CDH12: variants seen among roughly 807,000 people sequenced by gnomAD.
CDH12 encodes the protein cadherin-12.
Under a neutral mutation model 74.1 loss-of-function variants are expected in CDH12, and 41 were observed. The ratio of observed to expected loss-of-function variants is 0.55; its 90% CI spans 0.43 to 0.72. The LOEUF (loss-of-function observed/expected upper bound fraction) is 0.72. Among genes scored for constraint, CDH12 ranks in the 30% least tolerant of loss-of-function variants. CDH12 has a pLI of 0.00. For missense variants in CDH12, 945 were observed against 977.2 expected, an observed-to-expected ratio of 0.97 and a Z score of 0.44; for synonymous variants, 399 against 355.0, an observed-to-expected ratio of 1.12 and a Z score of -1.39.
chr5:22,823,262 T>C lies in CDH12; in HGVS notation c.-523+29796A>G, dbSNP rs537037239. Among the ~76,000 whole-genome samples, 227 of 150,574 alleles carry C rather than the reference T, an allele frequency of 1.5e-3. 1 individual carries two copies. Among genetic ancestry groups the C allele is most frequent in the African/African-American group, 5.3e-3 (218 of 40,980 alleles). On this transcript the variant is annotated intron_variant, in intron 1 of 14. Transcript: ENST00000382254. The stretch of plus-strand genomic sequence containing the variant: ...GTGGGGGGAGGGGGGAGGGATAGCA[T>C]TAGGAGTTACACCTAATGCTAAATG...
chr5:22,019,727 T>A (rs896555404), intron 5 of CDH12, among the ~76,000 whole-genome samples: 6 of 152,206 alleles, frequency 3.9e-5, no homozygotes, highest in Non-Finnish European at 8.8e-5. Flanking sequence ...CCATGATAGT[T>A]CATTATGACA....
intron 6 of CDH12, among the ~76,000 whole-genome samples, chr5:21,901,221 T>C (rs1442226553): frequency 6.6e-6 from 1 of 152,138 alleles, no homozygotes; most frequent in Admixed American, 6.6e-5. Context: ...TAAAGTTCAA[T>C]ATTGAAAAAA....
intron 5 of CDH12, among the ~76,000 whole-genome samples, chr5:21,995,483 C>T (rs1404712688): frequency 2.0e-5 from 3 of 151,732 alleles, no homozygotes; most frequent in Admixed American, 6.6e-5. Context: ...TGCTCCATGC[C>T]AGTATTCTCC....
At chr5:22,751,830 C>T (rs1298623530) in intron 1 of CDH12, among the ~76,000 whole-genome samples, 2 of 152,110 alleles carry the variant, frequency 1.3e-5, no homozygotes, top group African/African-American at 4.8e-5. Flanking sequence ...ACATATTTAT[C>T]ATGTGTGAGA....
chr5:22,552,554 G>A (rs79418166), intron 1 of CDH12, among the ~76,000 whole-genome samples: 3,522 of 151,428 alleles, frequency 0.023, 159 homozygotes, highest in East Asian at 0.14. Flanking sequence ...TCAGCCTCCC[G>A]TATAGCTGGA....
intron 5 of CDH12, among the ~76,000 whole-genome samples, chr5:22,065,800 G>A (rs1363745017): frequency 1.3e-5 from 2 of 152,114 alleles, no homozygotes; most frequent in African/African-American, 4.8e-5. Context: ...TTGTTGTAGC[G>A]ATCAATGGCC....
intron 2 of CDH12, among the ~76,000 whole-genome samples, chr5:22,492,321 C>T (rs1418179848): frequency 6.6e-6 from 1 of 150,716 alleles, no homozygotes; most frequent in African/African-American, 2.4e-5. Flanking sequence ...AAATACCACA[C>T]TCCATGCCTA....
Position 21,833,156 on chromosome 5 carries a change from AATATATATTAT to A in CDH12, c.814+8994_814+9004del, listed in dbSNP as rs1251805380. On this transcript the variant is annotated intron_variant, in intron 8 of 14. Transcript: ENST00000382254. Reference sequence around the variant, plus strand: ...TATAAATATATATTATATAACATATAATATATATTATATTATAAATATATATTATATAACAT... The same window carrying A: ...TATAAATATATATTATATAACATATAATTATAAATATATATTATATAACAT... Among the ~76,000 whole-genome samples the A allele has an allele frequency of 3.2e-4, 18 of 56,578 alleles. 2 individuals are homozygous for A. The highest frequency in any genetic ancestry group is 4.5e-4 in the Non-Finnish European group (17 of 37,456). 37.1% of individuals were successfully genotyped at this position (56,578 alleles called of 152,430 possible). A position where few individuals can be genotyped will look rare whatever the true frequency, so the allele number is the denominator to read the frequency against.
intron 5 of CDH12, among the ~76,000 whole-genome samples, chr5:22,033,154 T>C (rs1580143772): frequency 6.6e-6 from 1 of 152,280 alleles, no homozygotes; most frequent in East Asian, 1.9e-4. Flanking sequence ...CAATGTATTT[T>C]GTTGCAAAAT....
intron 4 of CDH12, among the ~76,000 whole-genome samples, chr5:22,177,593 A>T (rs1431479683): frequency 6.6e-6 from 1 of 152,174 alleles, no homozygotes; most frequent in Non-Finnish European, 1.5e-5. Flanking sequence ...TTTGAAACTG[A>T]TTAAAGCTGG....
intron 6 of CDH12, among the ~76,000 whole-genome samples, chr5:21,875,984 C>A (rs1751918940): frequency 6.6e-6 from 1 of 150,934 alleles, no homozygotes; most frequent in Admixed American, 6.6e-5. Flanking sequence ...CAACCTCTGC[C>A]TCCCGGGTTC....
intron 2 of CDH12, among the ~76,000 whole-genome samples, chr5:22,424,720 TA>T (rs1202973107): frequency 6.6e-6 from 1 of 152,206 alleles, no homozygotes; most frequent in African/African-American, 2.4e-5. Flanking sequence ...TTGAATTCCC[TA>T]TGCCTTGCTC....
At chr5:22,514,226 A>G (rs1561460213) in intron 1 of CDH12, among the ~76,000 whole-genome samples, 1 of 152,074 alleles carries the variant, frequency 6.6e-6, no homozygotes, top group African/African-American at 2.4e-5. Flanking sequence ...TTAAAATCAC[A>G]CTGAAGATTC....
chr5:22,747,747 A>C lies in CDH12; in HGVS notation c.-523+105311T>G, dbSNP rs182492079. ...CATTAAAAATATGTGATTCTTAAGA[A>C]TGATTTACGATTCCTAGTGTTTTAA... is the stretch of plus-strand genomic sequence containing the variant. On this transcript the variant is annotated intron_variant, in intron 1 of 14. Transcript: ENST00000382254. 2.6e-4 allele frequency among the ~76,000 whole-genome samples: 40 copies of C among 152,292 alleles called. 1 individual carries two copies. Among genetic ancestry groups the C allele is most frequent in the African/African-American group, 9.4e-4 (39 of 41,576 alleles).
At chr5:22,324,188 TAAAG>T (rs1424567370) in intron 3 of CDH12, among the ~76,000 whole-genome samples, 1 of 152,122 alleles carries the variant, frequency 6.6e-6, no homozygotes, top group African/African-American at 2.4e-5. Context: ...CTGTAGGTCA[TAAAG>T]ATTCAATGGG....
chr5:22,355,830 C>T (rs1277400435), intron 3 of CDH12, among the ~76,000 whole-genome samples: 5 of 152,040 alleles, frequency 3.3e-5, no homozygotes, highest in South Asian at 2.1e-4. Flanking sequence ...CACACACATG[C>T]ACAAATGTGT....
At chr5:21,827,392 A>G (rs1347145300) in intron 8 of CDH12, among the ~76,000 whole-genome samples, 2 of 151,972 alleles carry the variant, frequency 1.3e-5, no homozygotes, top group Non-Finnish European at 2.9e-5. Flanking sequence ...GAAAACCTTT[A>G]AAAAAAAGGT....
chr5:21,882,522 C>G lies in CDH12; in HGVS notation c.527-27732G>C. On this transcript the variant is annotated intron_variant, in intron 6 of 14. Transcript: ENST00000382254. ...TTTTTAAAAGTGATATATTAGCACT[C>G]TGTCCCTCACTCGCCGCCGACAACC... The G allele has an allele frequency of 6.8e-6, 6 of 877,750 alleles. No individual in the cohort carries two copies. The East Asian group carries it at 1.2e-4, about 18-fold the overall frequency. 54.4% of individuals were successfully genotyped at this position (877,750 alleles called of 1,614,324 possible).
chr5:21,812,514 G>A (rs142969616), intron 9 of CDH12, among the ~76,000 whole-genome samples: 125 of 152,152 alleles, frequency 8.2e-4, no homozygotes, highest in African/African-American at 2.8e-3. Context: ...AGAACTTATT[G>A]AATATATGCT....
Sources: gnomAD v4.1 joint callset for allele counts (sites outside exome capture counted in the v4.1 genomes callset) on GRCh38, gnomAD v4.1.1 for gene constraint, MANE v1.5 for transcripts, NCBI Gene and HGNC (gene_info 2026-07-23, HGNC 2026-07-21) for gene names.